Variants in ADGRL3 observed in about 807,000 individuals in gnomAD.
The protein encoded by ADGRL3 is calcium-independent alpha-latrotoxin receptor 3.
Under a neutral mutation model 153.5 loss-of-function variants are expected in ADGRL3, and 62 were observed. The ratio of observed to expected loss-of-function variants is 0.40; its 90% CI spans 0.33 to 0.50. The LOEUF is 0.50. ADGRL3 is among the 20% of genes least tolerant of loss of function. The pLI is 0.47. For missense variants in ADGRL3, 1,641 were observed against 1,859.4 expected (o/e 0.88, Z 2.16); for synonymous variants, 710 against 672.5 (o/e 1.06, Z -0.86).
intron 8 of ADGRL3, among the ~76,000 whole-genome samples, chr4:61,757,524 G>A (rs1322933385): frequency 6.6e-6 from 1 of 151,522 alleles, no homozygotes. Flanking sequence ...TCTTCTATTA[G>A]TCTTGCTAGC....
At chr4:61,745,748 C>A (rs1252303321) in intron 8 of ADGRL3, among the ~76,000 whole-genome samples, 2 of 152,156 alleles carry the variant, frequency 1.3e-5, no homozygotes, top group Non-Finnish European at 2.9e-5. Flanking sequence ...CCAGCCACTG[C>A]AAAATCATGC....
chr4:61,270,362 A>G (rs986119344), intron 1 of ADGRL3, among the ~76,000 whole-genome samples: 1 of 151,816 alleles, frequency 6.6e-6, no homozygotes, highest in Non-Finnish European at 1.5e-5. Context: ...TAAATATTCC[A>G]AAGAAGGTGA....
intron 5 of ADGRL3, among the ~76,000 whole-genome samples, chr4:61,660,477 G>A (rs1036482747): frequency 1.3e-5 from 2 of 152,028 alleles, no homozygotes; most frequent in African/African-American, 4.8e-5. Context: ...TAAATGAATC[G>A]ATTTTTATTT....
intron 2 of ADGRL3, among the ~76,000 whole-genome samples, chr4:61,424,456 C>G (rs1037096683): frequency 6.6e-6 from 1 of 152,124 alleles, no homozygotes; most frequent in African/African-American, 2.4e-5. Flanking sequence ...CTACTAATAT[C>G]CCTGTTACGC....
chr4:61,317,807 T>C (rs900421241), intron 1 of ADGRL3, among the ~76,000 whole-genome samples: 5 of 152,160 alleles, frequency 3.3e-5, no homozygotes, highest in African/African-American at 7.2e-5. Flanking sequence ...AAATACCTTC[T>C]TAAAATTATT....
At chr4:61,210,753 A>G (rs1408850619) in intron 1 of ADGRL3, among the ~76,000 whole-genome samples, 3 of 152,130 alleles carry the variant, frequency 2.0e-5, no homozygotes, top group African/African-American at 7.2e-5. Context: ...TTGAACCTTG[A>G]CTCAGAATAC....
chr4:61,688,428 G>A (rs182358679), intron 6 of ADGRL3, among the ~76,000 whole-genome samples: 152 of 152,178 alleles, frequency 1.0e-3, no homozygotes, highest in African/African-American at 3.6e-3. Context: ...TTCTAATCAA[G>A]TTACTTTACT....
chr4:62,067,027 G>A (rs1376078500), intron 25 of ADGRL3, among the ~76,000 whole-genome samples: 1 of 152,078 alleles, frequency 6.6e-6, no homozygotes, highest in East Asian at 1.9e-4. Context: ...GAGCCATAAT[G>A]AGCCTGCAAG....
At chr4:61,875,929 T>C (rs1452997675) in intron 9 of ADGRL3, among the ~76,000 whole-genome samples, 2 of 152,074 alleles carry the variant, frequency 1.3e-5, no homozygotes, top group Non-Finnish European at 2.9e-5. Context: ...CTCACGCCTA[T>C]AATCCCAGCA....
At position 61,783,388 on chromosome 4, in the gene ADGRL3, G is replaced by T. The variant is rs548579197; in HGVS notation, c.1400-30421G>T. 6.6e-5 allele frequency among the ~76,000 whole-genome samples: 10 copies of T among 152,098 alleles called. No homozygotes were observed. In the South Asian group the frequency reaches 2.1e-3, roughly 32 times the overall value. ...ATGAGGTTATTTTTAATGAAAAAAG[G>T]GTGTTTTCCCTCTATATATATATGG... On this transcript the variant is annotated intron_variant, in intron 8 of 26. Coordinates refer to ENST00000683033, the MANE Select transcript of ADGRL3 (RefSeq NM_001387552.1).
intron 1 of ADGRL3, among the ~76,000 whole-genome samples, chr4:61,206,018 A>G (rs929933720): frequency 6.6e-6 from 1 of 152,174 alleles, no homozygotes; most frequent in African/African-American, 2.4e-5. Flanking sequence ...ACAAAATGTA[A>G]AAGAGAAAAT....
At chr4:61,991,415 G>T (rs2150979847) in intron 19 of ADGRL3, among the ~76,000 whole-genome samples, 1 of 151,876 alleles carries the variant, frequency 6.6e-6, no homozygotes, top group African/African-American at 2.4e-5. Flanking sequence ...AATTATAATA[G>T]CCATAATTCT....
At chr4:61,811,899 A>T (rs2097628874) in intron 8 of ADGRL3, among the ~76,000 whole-genome samples, 1 of 152,174 alleles carries the variant, frequency 6.6e-6, no homozygotes, top group Non-Finnish European at 1.5e-5. Flanking sequence ...TTCCAGTATT[A>T]TACAGAAAAC....
Position 61,728,618 on chromosome 4 carries a change from C to T in ADGRL3, c.584-2004C>T, listed in dbSNP as rs183840178. Among the ~76,000 whole-genome samples the T allele has an allele frequency of 1.4e-4, 21 of 152,036 alleles. 1 individual carries two copies. The highest frequency in any genetic ancestry group is 1.2e-3 in the Admixed American group (19 of 15,262). On this transcript the variant is annotated intron_variant, in intron 6 of 26. Coordinates refer to ENST00000683033, the MANE Select transcript of ADGRL3 (RefSeq NM_001387552.1). ...TTAAAAAAGACTAAAGTTCCATGAA[C>T]GAGCATTTTTGTATTTTAGAATGTA...
intron 8 of ADGRL3, among the ~76,000 whole-genome samples, chr4:61,763,387 A>C (rs1168740545): frequency 6.6e-6 from 1 of 151,326 alleles, no homozygotes; most frequent in Non-Finnish European, 1.5e-5. Context: ...GGGTTTCACT[A>C]TGTTAGCAGG....
chr4:62,015,711 A>G (rs1028676212), intron 21 of ADGRL3, among the ~76,000 whole-genome samples: 4 of 152,082 alleles, frequency 2.6e-5, no homozygotes, highest in South Asian at 4.1e-4. Flanking sequence ...TTGTGTGCCT[A>G]TTTGTTTCTA....
chr4:61,208,583 A>C (rs1257805046), intron 1 of ADGRL3, among the ~76,000 whole-genome samples: 2 of 152,134 alleles, frequency 1.3e-5, no homozygotes, highest in African/African-American at 4.8e-5. Context: ...TTAAAATTTC[A>C]TATAAAAGAT....
chr4:62,035,710 A>G (rs947553338), intron 23 of ADGRL3, among the ~76,000 whole-genome samples: 14 of 152,144 alleles, frequency 9.2e-5, no homozygotes, highest in African/African-American at 3.4e-4. Flanking sequence ...AGTAATATAC[A>G]ATGCCTGTGC....
chr4:61,757,248 C>T (rs2152120108), intron 8 of ADGRL3, among the ~76,000 whole-genome samples: 1 of 152,030 alleles, frequency 6.6e-6, no homozygotes, highest in East Asian at 1.9e-4. Flanking sequence ...TCCATCTGGT[C>T]CTGGACTTTT....
Sources: allele counts gnomAD v4.1 joint callset (sites outside exome capture counted in the v4.1 genomes callset), GRCh38; gene constraint gnomAD v4.1.1; transcripts MANE v1.5; gene names NCBI Gene and HGNC (gene_info 2026-07-23, HGNC 2026-07-21).